The following USP6 variants were observed in gnomAD, a reference collection of about 807,000 sequenced individuals.
The protein encoded by USP6 is ubiquitin specific peptidase 6.
In USP6, 128 loss-of-function variants were observed where a neutral mutation model predicts 175.7. That is an observed-to-expected ratio of 0.73 (90% CI 0.63 to 0.84). The LOEUF is 0.84. USP6 is among the 40% of genes least tolerant of loss of function. The pLI is 0.00. For missense variants in USP6, 1,498 were observed against 1,760.3 expected, an observed-to-expected ratio of 0.85 and a Z score of 2.67; for synonymous variants, 562 against 630.6, an observed-to-expected ratio of 0.89 and a Z score of 1.63.
chr17:5,150,306 AT>A (rs1350697992), intron 30 of USP6, among the ~76,000 whole-genome samples: 15 of 146,406 alleles, frequency 1.0e-4, no homozygotes, highest in African/African-American at 3.8e-4. Flanking sequence ...AAATAAATAA[AT>A]AAATAAATAA....
At chr17:5,154,010 A>G (rs919367914) in intron 30 of USP6, among the ~76,000 whole-genome samples, 18 of 152,240 alleles carry the variant, frequency 1.2e-4, no homozygotes, top group Admixed American at 6.5e-5. Context: ...TCTCAGTAGT[A>G]ACTGAGAAAG....
At chr17:5,135,446 G>A (rs2073222659) in intron 16 of USP6, among the ~76,000 whole-genome samples, 164 bp downstream of exon 16, 1 of 152,072 alleles carries the variant, frequency 6.6e-6, no homozygotes, top group South Asian at 2.1e-4. Context: ...CCAAGCAAGG[G>A]GGTGGTCTCA....
At chr17:5,118,354 G>C (rs561923666) in intron 2 of USP6, 64 bp downstream of exon 2, 3 of 152,436 alleles carry the variant, frequency 2.0e-5, no homozygotes, top group Non-Finnish European at 2.9e-5. Context: ...AGCTCTTTGC[G>C]GAGCCTGTGA....
chr17:5,145,634 AATAGCC>A (rs2073585592), intron 27 of USP6, 55 bp downstream of exon 27: 1 of 1,508,098 alleles, frequency 6.6e-7, no homozygotes, highest in Non-Finnish European at 8.9e-7. Context: ...ACTTTATTTA[AATAGCC>A]TGAATTTGTA....
chr17:5,122,607 C>T (rs888247264), intron 4 of USP6, among the ~76,000 whole-genome samples: 7 of 152,228 alleles, frequency 4.6e-5, no homozygotes, highest in African/African-American at 1.7e-4. Flanking sequence ...CCCGACCCTC[C>T]GCTGCGGGGC....
In USP6 at chr17:5,174,113, T is replaced by A. The variant is rs1429585708; in HGVS notation, c.*1135T>A. On this transcript the variant is annotated 3_prime_UTR_variant, in exon 38 of 38. Coordinates refer to ENST00000574788, the MANE Select transcript of USP6 (RefSeq NM_001304284.2). Reference sequence around the variant, plus strand: ...TTGCATGTCCACTGGTTTTTTTATTTTGATATTTGTCTTTTTTTAAATTTT... The same window carrying A: ...TTGCATGTCCACTGGTTTTTTTATTATGATATTTGTCTTTTTTTAAATTTT... The A allele has an allele frequency of 4.9e-6, 1 of 202,276 alleles. No individual in the cohort carries two copies. Among genetic ancestry groups the A allele is most frequent in the Admixed American group, 6.0e-5 (1 of 16,648 alleles). The allele number at this position is 202,276 out of a possible 1,614,324, so 12.5% of individuals were successfully genotyped here.
In USP6 at chr17:5,161,579, A is replaced by G. The variant is rs200152607; in HGVS notation, c.2880A>G (p.Lys960=). 20 of 1,613,966 alleles carry G rather than the reference A, an allele frequency of 1.2e-5. No individual in the cohort carries two copies. The African/African-American group carries it at 1.9e-4, about 15-fold the overall frequency. Residue 960 remains lysine, a synonymous_variant, in exon 32 of 38, where the codon AAA becomes AAG. Coordinates refer to ENST00000574788, the MANE Select transcript of USP6 (RefSeq NM_001304284.2). Reference sequence around the variant, plus strand: ...CATTCACTCTACGAGTTGTGCAGAAAGATGGGAACTCCTGTGCTTGGTGCC... The same window carrying G: ...CATTCACTCTACGAGTTGTGCAGAAGGATGGGAACTCCTGTGCTTGGTGCC... ...QYPFTLRVVQ[K]DGNSCAWCPQ...
At chr17:5,128,829 A>G (rs1362426146) in intron 7 of USP6, 123 bp from the exon 8 acceptor site, 1 of 152,656 alleles carries the variant, frequency 6.6e-6, no homozygotes, top group Non-Finnish European at 1.5e-5. Flanking sequence ...TACGGCAGTT[A>G]CACACACGCA....
Position 5,147,098 on chromosome 17 carries a change from A to G in USP6, c.2335A>G (p.Asn779Asp). Residue 779 changes from asparagine to aspartate, a missense_variant, in exon 29 of 38, where the codon AAC becomes GAC. By Grantham distance (23) the Asn-to-Asp change is conservative. This residue lies in a region of USP6 where 1,217 missense variants were observed against 1,500.8 expected (regional missense o/e 0.81). Transcript: ENST00000574788. ...DSNIKNFPQD[N>D]QKVQLSVSGF... ...GTTTCTGTAGAACTTTCCTCAGGATAACCAAAAAGTACAACTCTCAGTGAG... is the reference window on the plus strand; with the variant it reads ...GTTTCTGTAGAACTTTCCTCAGGATGACCAAAAAGTACAACTCTCAGTGAG... The G allele has an allele frequency of 6.2e-7, 1 of 1,612,954 alleles. No homozygotes were observed. Among genetic ancestry groups the G allele is most frequent in the Non-Finnish European group, 8.5e-7 (1 of 1,179,592 alleles).
intron 26 of USP6, 47 bp from the exon 27 acceptor site, chr17:5,145,358 C>A (rs2143992667): frequency 1.3e-6 from 2 of 1,511,064 alleles, no homozygotes; most frequent in Non-Finnish European, 1.8e-6. Flanking sequence ...ATAGAAATGC[C>A]TCTCTTTTGG....
intron 31 of USP6, among the ~76,000 whole-genome samples, chr17:5,156,684 G>T (rs1292156899): frequency 2.6e-5 from 4 of 151,496 alleles, no homozygotes; most frequent in Non-Finnish European, 4.4e-5. Flanking sequence ...TTACTTATTT[G>T]TTATGATGTG....
chr17:5,132,839 A>C lies in USP6; in HGVS notation c.196-71A>C, dbSNP rs1397378536. 1 of 1,563,800 alleles carries C rather than the reference A, an allele frequency of 6.4e-7. No homozygotes were observed. The highest frequency in any genetic ancestry group is 2.2e-5 in the East Asian group (1 of 44,626). ...GGTCCCACCAGGGCTCCAGAGCCCA[A>C]GACTCAGCATCCATGGGCGGCTCTG... On this transcript the variant is annotated intron_variant, in intron 12 of 37. Transcript: ENST00000574788. The surrounding 1 kb of genome is among the most constrained non-coding windows in gnomAD (Gnocchi z 4.7).
rs2073460905 is a variant in USP6, at chr17:5,142,005, C to G, written c.1576C>G (p.Pro526Ala). ...GGTTCTCATATTGTTTGTTCCAGTT[C>G]CCACAGAAAAGGGAGCCACAGGTCT... The part of the protein sequence containing the change: ...NSSKIDRQKV[P>A]TEKGATGLSN... The change falls in exon 24 of 38, where the codon CCC becomes GCC. Residue 526 changes from proline to alanine, a missense_variant and splice_region_variant. Transcript: ENST00000574788. 1 of 1,611,862 alleles carries G rather than the reference C, an allele frequency of 6.2e-7. No individual in the cohort carries two copies. The highest frequency in any genetic ancestry group is 8.5e-7 in the Non-Finnish European group (1 of 1,179,228).
At chr17:5,127,782 A>G (rs1005203852) in intron 7 of USP6, 143 bp downstream of exon 7, 5 of 152,242 alleles carry the variant, frequency 3.3e-5, no homozygotes, top group African/African-American at 7.2e-5. Context: ...TCCCGTATAC[A>G]TTAGACCATC....
intron 17 of USP6, among the ~76,000 whole-genome samples, chr17:5,136,341 C>T (rs976263763): frequency 6.6e-6 from 1 of 152,182 alleles, no homozygotes; most frequent in Non-Finnish European, 1.5e-5. Flanking sequence ...GACCCCACTT[C>T]CAGGAGATGA....
chr17:5,130,932 T>G (rs934477899), intron 11 of USP6, among the ~76,000 whole-genome samples: 2 of 152,200 alleles, frequency 1.3e-5, no homozygotes, highest in African/African-American at 4.8e-5. Context: ...GCCCCTGGGC[T>G]CTCAGCAGTT....
intron 37 of USP6, 24 bp downstream of exon 37, chr17:5,171,703 G>C: frequency 2.5e-6 from 4 of 1,608,912 alleles, no homozygotes; most frequent in Middle Eastern, 1.7e-4. Flanking sequence ...ATCTTTGAAT[G>C]AAAGTTAGAA....
At chr17:5,138,928 A>G (rs1391602139) in intron 21 of USP6, 2 of 1,243,960 alleles carry the variant, frequency 1.6e-6, no homozygotes, top group South Asian at 2.7e-5. Flanking sequence ...GGTGACATCC[A>G]AGGCCCCTCC....
Position 5,153,636 on chromosome 17 carries a change from C to T in USP6, c.2644-1786C>T, listed in dbSNP as rs142514715. On this transcript the variant is annotated intron_variant, in intron 30 of 37. Transcript: ENST00000574788. ...TTTTATTTTTCTCTGAATTAGTAGC[C>T]GTTGGCTTAAAGTTCCTTTCTTTTT... is the stretch of plus-strand genomic sequence containing the variant. 2.1e-3 allele frequency among the ~76,000 whole-genome samples: 323 copies of T among 150,968 alleles called. 2 individuals are homozygous for T. The highest frequency in any genetic ancestry group is 7.5e-3 in the African/African-American group (309 of 41,182).
Sources: gnomAD v4.1 joint callset for allele counts (sites outside exome capture counted in the v4.1 genomes callset) on GRCh38, gnomAD v4.1.1 for gene constraint, gnomAD v4.1.1 regional missense constraint, Gnocchi (gnomAD v3.1) non-coding constraint, MANE v1.5 for transcripts, NCBI Gene and HGNC (gene_info 2026-07-23, HGNC 2026-07-21) for gene names.